The following RBFOX1 variants were observed in gnomAD, a reference collection of about 807,000 sequenced individuals.
RBFOX1 encodes the protein RNA binding fox-1 homolog 1.
Under a neutral mutation model 57.7 loss-of-function variants are expected in RBFOX1, and 8 were observed. That is an observed-to-expected ratio of 0.14 (90% CI 0.08 to 0.25). The LOEUF is 0.25. Among genes scored for constraint, RBFOX1 ranks in the 10% least tolerant of loss-of-function variants. RBFOX1 has a pLI of 1.00. For synonymous variants in RBFOX1, 326 were observed against 222.4 expected (o/e 1.47, Z -4.15); for missense variants, 611 against 548.5 (o/e 1.11, Z -1.14).
rs1367153164 is a variant in RBFOX1 at position 7,709,668 on chromosome 16, T to C, written c.1071+537T>C. ...GAGGGGCACACTTTGTGTGTGTACC[T>C]AGTACATAAGAAAGTAGAAGGAATC... is the stretch of plus-strand genomic sequence containing the variant. On this transcript the variant is annotated intron_variant, in intron 15 of 15. Coordinates refer to ENST00000550418, the MANE Select transcript of RBFOX1 (RefSeq NM_018723.4). The C allele has an allele frequency of 8.7e-6, 13 of 1,494,036 alleles. No homozygotes were observed. The Admixed American group carries it at 2.1e-4, about 24-fold the overall frequency. The allele number at this position is 1,494,036 out of a possible 1,614,324, so 92.5% of individuals were successfully genotyped here. A position where few individuals can be genotyped will look rare whatever the true frequency, so the allele number is the denominator to read the frequency against.
chr16:6,057,457 A>T (rs1224225111), intron 1 of RBFOX1, among the ~76,000 whole-genome samples: 2 of 152,144 alleles, frequency 1.3e-5, no homozygotes, highest in Non-Finnish European at 2.9e-5. Context: ...CATTTATTCA[A>T]CCAATATTTA....
At chr16:5,414,996 T>A (rs191520131) in intron 1 of RBFOX1, among the ~76,000 whole-genome samples, 6 of 152,310 alleles carry the variant, frequency 3.9e-5, no homozygotes, top group African/African-American at 1.4e-4. Context: ...GTGTTTTCCG[T>A]GTGCCAGGTT....
At chr16:6,039,176 C>G (rs747710800) in intron 1 of RBFOX1, among the ~76,000 whole-genome samples, 3 of 151,896 alleles carry the variant, frequency 2.0e-5, no homozygotes, top group Non-Finnish European at 2.9e-5. Context: ...AGGGCATTTC[C>G]TCTTCCACTT....
rs115191583 is a variant in RBFOX1 at position 6,893,454 on chromosome 16, C to T, written c.-15-158603C>T. On this transcript the variant is annotated intron_variant, in intron 3 of 15. Transcript: ENST00000550418. ...TCATCAAAAGATCTTTCTTTTAAAC[C>T]TGAACTCTAGTAGCTGTGCGATAGA... Among the ~76,000 whole-genome samples the T allele has an allele frequency of 4.5e-3, 688 of 152,226 alleles. 4 individuals are homozygous for T. The highest frequency in any genetic ancestry group is 0.016 in the African/African-American group (660 of 41,538).
intron 1 of RBFOX1, among the ~76,000 whole-genome samples, chr16:5,439,657 G>A (rs1463476949): frequency 6.6e-6 from 1 of 152,064 alleles, no homozygotes; most frequent in African/African-American, 2.4e-5. Context: ...AGATGAGAAA[G>A]ACGGGCCTCA....
In RBFOX1 at chr16:6,106,668, CCTT is replaced by C. The variant is rs944651121; in HGVS notation, c.-127+86680_-127+86682del. 3.3e-4 allele frequency among the ~76,000 whole-genome samples: 50 copies of C among 151,920 alleles called. 1 individual carries two copies. Among genetic ancestry groups the C allele is most frequent in the Admixed American group, 2.2e-3 (34 of 15,262 alleles). ...TATCATAAGGAATTAAAATGACTCT[CCTT>C]CTTTTCCTTTTTTTGAGACGGAGTG... is the stretch of plus-strand genomic sequence containing the variant. On this transcript the variant is annotated intron_variant, in intron 1 of 15. Transcript: ENST00000550418.
chr16:5,983,965 C>T, intron 4 of RBFOX1, among the ~76,000 whole-genome samples: 1 of 140,566 alleles, frequency 7.1e-6, no homozygotes. Context: ...CTTCTTCTTC[C>T]TTCTTCCTCT....
chr16:7,546,728 C>T (rs1313432636), intron 5 of RBFOX1, among the ~76,000 whole-genome samples: 2 of 152,100 alleles, frequency 1.3e-5, no homozygotes, highest in Non-Finnish European at 2.9e-5. Context: ...TCTCTGATGG[C>T]TTCTTTGTGT....
At chr16:5,636,212 G>A (rs1174765657) in intron 3 of RBFOX1, among the ~76,000 whole-genome samples, 3 of 152,138 alleles carry the variant, frequency 2.0e-5, no homozygotes, top group African/African-American at 7.2e-5. Flanking sequence ...GCTGGGTATG[G>A]TAGCAGATGC....
intron 3 of RBFOX1, among the ~76,000 whole-genome samples, chr16:6,671,682 T>G (rs186457534): frequency 8.5e-5 from 13 of 152,338 alleles, no homozygotes; most frequent in Non-Finnish European, 4.4e-5. Flanking sequence ...TCCTCATAGC[T>G]TAGCTCCCAC....
intron 13 of RBFOX1, among the ~76,000 whole-genome samples, chr16:7,676,515 A>T (rs899544253): frequency 3.3e-5 from 5 of 152,002 alleles, no homozygotes; most frequent in African/African-American, 1.2e-4. Context: ...ATTTAGGTAC[A>T]TTTTCTTCCA....
At chr16:7,060,474 C>T (rs976281033) in intron 4 of RBFOX1, among the ~76,000 whole-genome samples, 1 of 152,204 alleles carries the variant, frequency 6.6e-6, no homozygotes, top group Non-Finnish European at 1.5e-5. Flanking sequence ...TTCTATATCA[C>T]TTTAAAAGTG....
chr16:7,360,427 G>A (rs1191681629), intron 4 of RBFOX1, among the ~76,000 whole-genome samples: 1 of 152,132 alleles, frequency 6.6e-6, no homozygotes, highest in Non-Finnish European at 1.5e-5. Context: ...ATGTGGGTGT[G>A]CACGTGTGTG....
chr16:7,183,469 C>T (rs905387409), intron 4 of RBFOX1, among the ~76,000 whole-genome samples: 3 of 152,130 alleles, frequency 2.0e-5, no homozygotes, highest in East Asian at 3.9e-4. Flanking sequence ...AATAGTGAAA[C>T]CTTCGTTGGG....
At chr16:5,917,333 C>T (rs963073102) in intron 4 of RBFOX1, among the ~76,000 whole-genome samples, 9 of 152,194 alleles carry the variant, frequency 5.9e-5, no homozygotes, top group East Asian at 3.9e-4. Flanking sequence ...CGCCCACCAC[C>T]GGACATGCTG....
At chr16:5,421,195 A>G (rs1305416810) in intron 1 of RBFOX1, among the ~76,000 whole-genome samples, 1 of 151,698 alleles carries the variant, frequency 6.6e-6, no homozygotes, top group Non-Finnish European at 1.5e-5. Context: ...TTTGGTAGAG[A>G]TGAGGTTTCA....
intron 1 of RBFOX1, among the ~76,000 whole-genome samples, chr16:6,272,649 A>G (rs1040739316): frequency 1.3e-5 from 2 of 152,238 alleles, no homozygotes; most frequent in African/African-American, 2.4e-5. Context: ...TAAATGAAGT[A>G]TAAAGTGGGA....
At chr16:6,708,016 C>G (rs1266229739) in intron 3 of RBFOX1, among the ~76,000 whole-genome samples, 2 of 152,000 alleles carry the variant, frequency 1.3e-5, no homozygotes, top group Non-Finnish European at 2.9e-5. Context: ...GTTTCAAAAC[C>G]TTAGTTTCAG....
At position 6,210,900 on chromosome 16, in the gene RBFOX1, C is replaced by T. The variant is rs572972635; in HGVS notation, c.-126-106095C>T. Among the ~76,000 whole-genome samples the T allele has an allele frequency of 5.9e-5, 9 of 152,220 alleles. No homozygotes were observed. The South Asian group carries it at 1.9e-3, about 32-fold the overall frequency. On this transcript the variant is annotated intron_variant, in intron 1 of 15. Transcript: ENST00000550418. ...GTCAGCTCAGCTGATACCACTTTCT[C>T]TTAGGAAAACACAAGGTCTTTTTTT...
Sources: gnomAD v4.1 joint callset for allele counts (sites outside exome capture counted in the v4.1 genomes callset) on GRCh38, gnomAD v4.1.1 for gene constraint, MANE v1.5 for transcripts, NCBI Gene and HGNC (gene_info 2026-07-23, HGNC 2026-07-21) for gene names.